CACNB2: variants seen among roughly 807,000 people sequenced by gnomAD.
CACNB2 encodes the protein voltage-dependent L-type calcium channel subunit beta-2.
Under a neutral mutation model 73.3 loss-of-function variants are expected in CACNB2, and 42 were observed. The ratio of observed to expected loss-of-function variants is 0.57; its 90% CI spans 0.45 to 0.74. The LOEUF (loss-of-function observed/expected upper bound fraction) is 0.74. Among genes scored for constraint, CACNB2 ranks in the 30% least tolerant of loss-of-function variants. The pLI, the probability that CACNB2 is intolerant of heterozygous loss-of-function variation, is 0.00. For synonymous variants in CACNB2, 348 were observed against 310.3 expected (o/e 1.12, Z -1.28); for missense variants, 940 against 853.0 (o/e 1.10, Z -1.27).
At chr10:18,405,933 C>G (rs1589258137) in intron 3 of CACNB2, among the ~76,000 whole-genome samples, 1 of 150,228 alleles carries the variant, frequency 6.7e-6, no homozygotes, top group African/African-American at 2.5e-5. Flanking sequence ...ACGTGTGCAA[C>G]AGAGCAAGAC....
At chr10:18,258,537 C>G (rs1345226537) in intron 2 of CACNB2, among the ~76,000 whole-genome samples, 1 of 151,984 alleles carries the variant, frequency 6.6e-6, no homozygotes, top group East Asian at 1.9e-4. Flanking sequence ...ACCAGACTTC[C>G]TACCGTGGTG....
intron 2 of CACNB2, among the ~76,000 whole-genome samples, chr10:18,278,705 C>T (rs1308341996): frequency 6.6e-6 from 1 of 152,010 alleles, no homozygotes; most frequent in Non-Finnish European, 1.5e-5. Context: ...GGGCCAATTG[C>T]TCCCTGAAAA....
chr10:18,337,075 A>C (rs370945682), intron 2 of CACNB2, among the ~76,000 whole-genome samples: 115 of 152,278 alleles, frequency 7.6e-4, no homozygotes, highest in African/African-American at 2.7e-3. Flanking sequence ...ACAAATTGGT[A>C]GTCCACTTTT....
intron 2 of CACNB2, among the ~76,000 whole-genome samples, chr10:18,361,976 A>G (rs1589140244): frequency 6.6e-6 from 1 of 152,116 alleles, no homozygotes; most frequent in Admixed American, 6.5e-5. Context: ...CCATATTATT[A>G]CTGCTACACA....
intron 3 of CACNB2, among the ~76,000 whole-genome samples, chr10:18,455,344 A>G (rs368862327): frequency 5.3e-5 from 8 of 152,312 alleles, no homozygotes; most frequent in African/African-American, 1.9e-4. Flanking sequence ...CACTTAAGTT[A>G]TTAGGTAGAT....
At chr10:18,466,018 G>T (rs1477406037) in intron 3 of CACNB2, among the ~76,000 whole-genome samples, 1 of 152,038 alleles carries the variant, frequency 6.6e-6, no homozygotes, top group African/African-American at 2.4e-5. Flanking sequence ...TGAACATTTT[G>T]GCACTTAATA....
chr10:18,255,389 C>T (rs1313900887), intron 2 of CACNB2, among the ~76,000 whole-genome samples: 2 of 152,172 alleles, frequency 1.3e-5, no homozygotes, highest in Admixed American at 1.3e-4. Context: ...TTTTCTGACC[C>T]TTCTAATTCT....
chr10:18,153,825 G>T (rs563453069), intron 2 of CACNB2, among the ~76,000 whole-genome samples: 1 of 147,758 alleles, frequency 6.8e-6, no homozygotes, highest in African/African-American at 2.5e-5. Flanking sequence ...CAGGTGATCC[G>T]CCCACCTTGG....
chr10:18,520,661 G>A (rs939471090), intron 9 of CACNB2, among the ~76,000 whole-genome samples: 11 of 152,074 alleles, frequency 7.2e-5, no homozygotes, highest in African/African-American at 2.4e-4. Flanking sequence ...TCTTCCACAC[G>A]TCCTTACCTA....
chr10:18,195,125 A>G (rs2131284953), intron 2 of CACNB2, among the ~76,000 whole-genome samples: 1 of 152,312 alleles, frequency 6.6e-6, no homozygotes, highest in East Asian at 1.9e-4. Context: ...GACCTCAGGA[A>G]TGCTTTCCCA....
Position 18,306,836 on chromosome 10 carries a change from A to G in CACNB2, c.214-95088A>G, listed in dbSNP as rs529427300. Among the ~76,000 whole-genome samples, 48 of 152,288 alleles carry G rather than the reference A, an allele frequency of 3.2e-4. No homozygotes were observed. In the South Asian group the frequency reaches 1.0e-2, roughly 32 times the overall value. On this transcript the variant is annotated intron_variant, in intron 2 of 13. Transcript: ENST00000324631. ...AAGACACTGCAGAGGGTTAGAGATC[A>G]TGGGAAAAGCTAAGTGTAGGTTTAT...
chr10:18,180,420 T>A (rs1030411458), intron 2 of CACNB2, among the ~76,000 whole-genome samples: 9 of 151,952 alleles, frequency 5.9e-5, no homozygotes, highest in African/African-American at 2.2e-4. Context: ...CAGGATGATA[T>A]AATGGGAGAA....
At chr10:18,537,092 A>G (rs552816184) in intron 12 of CACNB2, among the ~76,000 whole-genome samples, 10 of 152,116 alleles carry the variant, frequency 6.6e-5, no homozygotes, top group African/African-American at 2.4e-4. Context: ...GGCTCAAGTA[A>G]TCCTCCCACC....
At chr10:18,261,069 C>G in intron 2 of CACNB2, 2 of 1,349,148 alleles carry the variant, frequency 1.5e-6, no homozygotes, top group Non-Finnish European at 1.9e-6. Flanking sequence ...AAAAGACAAA[C>G]AGGGGAGAAC....
chr10:18,247,133 C>G (rs1333612326), intron 2 of CACNB2, among the ~76,000 whole-genome samples: 1 of 152,278 alleles, frequency 6.6e-6, no homozygotes, highest in East Asian at 1.9e-4. Context: ...CGTCTGCTAT[C>G]TCCTCTCCTG....
chr10:18,381,941 T>G (rs2043037019), intron 2 of CACNB2, among the ~76,000 whole-genome samples: 1 of 152,036 alleles, frequency 6.6e-6, no homozygotes, highest in African/African-American at 2.4e-5. Flanking sequence ...GGACATCATA[T>G]GGACATGTTC....
intron 3 of CACNB2, among the ~76,000 whole-genome samples, chr10:18,497,696 A>G (rs986611229): frequency 6.6e-6 from 1 of 152,200 alleles, no homozygotes; most frequent in African/African-American, 2.4e-5. Flanking sequence ...AAATGCTGGG[A>G]TTACAGGCAT....
In CACNB2 at chr10:18,300,715, G is replaced by C. The variant is rs577681564; in HGVS notation, c.214-101209G>C. Among the ~76,000 whole-genome samples the C allele has an allele frequency of 1.2e-3, 180 of 152,310 alleles. 2 individuals are homozygous for C. Among genetic ancestry groups the C allele is most frequent in the African/African-American group, 3.6e-3 (150 of 41,578 alleles). On this transcript the variant is annotated intron_variant, in intron 2 of 13. Coordinates refer to ENST00000324631, the MANE Select transcript of CACNB2 (RefSeq NM_201596.3). The stretch of plus-strand genomic sequence containing the variant: ...AATACAAAAATTAGCCGTGCATGGT[G>C]GTGGGCACCTGTAATCCCAGCTACT...
chr10:18,307,983 C>CT (rs869311555), intron 2 of CACNB2, among the ~76,000 whole-genome samples: 840 of 70,212 alleles, frequency 0.012, 143 homozygotes, highest in African/African-American at 0.022. Flanking sequence ...TATATGCCAA[C>CT]TTTTTTTTTT....
Sources: gnomAD v4.1 joint callset for allele counts (sites outside exome capture counted in the v4.1 genomes callset) on GRCh38, gnomAD v4.1.1 for gene constraint, MANE v1.5 for transcripts, NCBI Gene and HGNC (gene_info 2026-07-23, HGNC 2026-07-21) for gene names.